Variants in DRD3 observed in about 807,000 individuals in gnomAD.
The protein encoded by DRD3 is dopamine receptor D3, also known as D(3) dopamine receptor.
DRD3 carries 19 observed loss-of-function variants against 36.3 expected under a neutral mutation model. That is an observed-to-expected ratio of 0.52 (90% CI 0.36 to 0.77). The LOEUF is 0.77. Ranked by LOEUF, DRD3 falls within the 30% of genes least tolerant of loss-of-function variation. DRD3 has a pLI of 0.00. For missense variants in DRD3, 465 were observed against 505.3 expected (o/e 0.92, Z 0.77); for synonymous variants, 195 against 203.7 (o/e 0.96, Z 0.36).
At chr3:114,158,752 G>A (rs185154751) in intron 3 of DRD3, among the ~76,000 whole-genome samples, 3 of 152,328 alleles carry the variant, frequency 2.0e-5, no homozygotes, top group Admixed American at 2.0e-4. Context: ...TTAGCACAAT[G>A]TGATAAATTC....
At chr3:114,197,741 T>A (rs1223306123) in intron 1 of DRD3, among the ~76,000 whole-genome samples, 3 of 152,250 alleles carry the variant, frequency 2.0e-5, no homozygotes, top group Non-Finnish European at 4.4e-5. Context: ...TCATCGAAAA[T>A]GAGTGTCCAT....
chr3:114,165,987 A>ATTT (rs57837932), intron 2 of DRD3, among the ~76,000 whole-genome samples: 2 of 112,368 alleles, frequency 1.8e-5, no homozygotes, highest in Non-Finnish European at 3.7e-5. Context: ...AACAGTTTGT[A>ATTT]TTTTTTTTTT....
At chr3:114,185,708 G>C (rs932442968) in intron 1 of DRD3, among the ~76,000 whole-genome samples, 1 of 151,762 alleles carries the variant, frequency 6.6e-6, no homozygotes, top group Non-Finnish European at 1.5e-5. Context: ...GATGGGCTTG[G>C]TCTGTCACCC....
At chr3:114,136,620 A>G (rs984483131) in intron 5 of DRD3, among the ~76,000 whole-genome samples, 6 of 152,234 alleles carry the variant, frequency 3.9e-5, no homozygotes, top group African/African-American at 1.4e-4. Flanking sequence ...GTTTAAAATG[A>G]TTATCTCCAA....
intron 2 of DRD3, 100 bp from the exon 3 acceptor site, chr3:114,159,967 G>A: frequency 1.1e-6 from 1 of 941,490 alleles, no homozygotes. Context: ...GTAGATGTTG[G>A]CACTCCTACT....
At chr3:114,156,994 TTC>T (rs774424169) in intron 3 of DRD3, among the ~76,000 whole-genome samples, 21 of 147,040 alleles carry the variant, frequency 1.4e-4, no homozygotes, top group Admixed American at 6.1e-4. Flanking sequence ...CTTCCTTTCT[TTC>T]TCTCTCTCTC....
chr3:114,158,977 G>C (rs2077707199), intron 3 of DRD3, among the ~76,000 whole-genome samples: 1 of 152,032 alleles, frequency 6.6e-6, no homozygotes, highest in Admixed American at 6.6e-5. Context: ...GATGTCCCAG[G>C]GGAGCCAGGC....
At chr3:114,171,003 CT>C (rs1424944095) in intron 2 of DRD3, among the ~76,000 whole-genome samples, 9 of 152,328 alleles carry the variant, frequency 5.9e-5, no homozygotes, top group South Asian at 2.1e-4. Context: ...TGACCACCCC[CT>C]GGCTCTGTTT....
chr3:114,174,754 T>A (rs1000835688), intron 1 of DRD3, among the ~76,000 whole-genome samples: 2 of 151,458 alleles, frequency 1.3e-5, no homozygotes, highest in Admixed American at 1.3e-4. Context: ...TAGATTTTTT[T>A]TTTTTTTTTC....
intron 4 of DRD3, among the ~76,000 whole-genome samples, chr3:114,144,800 A>G (rs1277193558): frequency 6.6e-6 from 1 of 152,226 alleles, no homozygotes; most frequent in Non-Finnish European, 1.5e-5. Context: ...ACTTAAATGT[A>G]AAAGACAGAG....
At chr3:114,177,141 C>T (rs2077907695) in intron 1 of DRD3, among the ~76,000 whole-genome samples, 2 of 152,288 alleles carry the variant, frequency 1.3e-5, no homozygotes, top group Non-Finnish European at 2.9e-5. Context: ...GTGAACATGT[C>T]ACATCATCTG....
At chr3:114,174,188 C>G (rs949689431) in intron 1 of DRD3, among the ~76,000 whole-genome samples, 1 of 152,218 alleles carries the variant, frequency 6.6e-6, no homozygotes, top group Non-Finnish European at 1.5e-5. Flanking sequence ...AGCACCGCTG[C>G]TGCCAAGAGC....
At chr3:114,142,961 GC>G (rs2077539358) in intron 4 of DRD3, among the ~76,000 whole-genome samples, 1 of 152,186 alleles carries the variant, frequency 6.6e-6, no homozygotes, top group Non-Finnish European at 1.5e-5. Flanking sequence ...GCCTGCCCCA[GC>G]CCCCAGCAGG....
upstream of DRD3, among the ~76,000 whole-genome samples, chr3:114,181,844 C>A (rs1174017094): frequency 2.0e-5 from 3 of 152,188 alleles, no homozygotes; most frequent in Non-Finnish European, 2.9e-5. Flanking sequence ...GGGAATGATA[C>A]AAGAAACCTT....
In DRD3 at chr3:114,174,747, AT is replaced by A. The variant is rs200747394; in HGVS notation, c.-35-2721del. 9.1e-3 allele frequency among the ~76,000 whole-genome samples: 1,243 copies of A among 137,026 alleles called. 3 individuals carry two copies. The highest frequency in any genetic ancestry group is 0.016 in the South Asian group (69 of 4,258). 89.9% of individuals were successfully genotyped at this position (137,026 alleles called of 152,430 possible). On this transcript the variant is annotated intron_variant, in intron 1 of 6. Transcript: ENST00000383673. ...TTGTTTCAACTTCCTCCCTGCTTAG[AT>A]TTTTTTTTTTTTTTTCAAACCAGAG... is the stretch of plus-strand genomic sequence containing the variant.
intron 2 of DRD3, among the ~76,000 whole-genome samples, chr3:114,168,456 C>T (rs1335497896): frequency 6.6e-6 from 1 of 152,010 alleles, no homozygotes; most frequent in African/African-American, 2.4e-5. Context: ...TTTTTAGCTT[C>T]CTTTGCAGCT....
intron 2 of DRD3, among the ~76,000 whole-genome samples, chr3:114,165,531 T>C (rs1448147686): frequency 2.0e-5 from 3 of 152,216 alleles, no homozygotes; most frequent in African/African-American, 7.2e-5. Flanking sequence ...TACCTACATT[T>C]GGAATTAAAG....
upstream of DRD3, among the ~76,000 whole-genome samples, chr3:114,181,662 C>A (rs1379537013): frequency 6.6e-6 from 1 of 152,156 alleles, no homozygotes; most frequent in Non-Finnish European, 1.5e-5. Flanking sequence ...GCCAATGGCC[C>A]TTCATCAGGG....
chr3:114,159,940 T>G, intron 2 of DRD3, 73 bp from the exon 3 acceptor site: 1 of 1,352,188 alleles, frequency 7.4e-7, no homozygotes, highest in South Asian at 1.2e-5. Context: ...CCTATTTTCT[T>G]TGCTTTGCTG....
Sources: allele counts gnomAD v4.1 joint callset (sites outside exome capture counted in the v4.1 genomes callset), GRCh38; gene constraint gnomAD v4.1.1; transcripts MANE v1.5; gene names NCBI Gene and HGNC (gene_info 2026-07-23, HGNC 2026-07-21).